Variants in LOC128462377 observed in about 807,000 individuals in gnomAD.
the LOC128462377 span, among the ~76,000 whole-genome samples, chr16:89,362,199 T>C: frequency 6.6e-6 from 1 of 152,362 alleles, no homozygotes; most frequent in East Asian, 1.9e-4. Context: ...CCAACTGCCT[T>C]CTTCTTCCCC....
the LOC128462377 span, among the ~76,000 whole-genome samples, chr16:89,375,866 C>T: frequency 2.0e-5 from 3 of 151,180 alleles, no homozygotes; most frequent in Non-Finnish European, 2.9e-5. Flanking sequence ...CAGACCCACA[C>T]AAAGTGCCAC....
chr16:89,396,691 T>C, the LOC128462377 span, among the ~76,000 whole-genome samples: 2 of 152,158 alleles, frequency 1.3e-5, no homozygotes, highest in Non-Finnish European at 2.9e-5. Flanking sequence ...TTTGTTGTTG[T>C]TGCTGTTGTT....
the LOC128462377 span, among the ~76,000 whole-genome samples, chr16:89,332,279 C>G: frequency 8.5e-5 from 13 of 152,162 alleles, no homozygotes; most frequent in African/African-American, 3.1e-4. Flanking sequence ...AAACTAAAAA[C>G]CCAACTCATG....
chr16:89,340,211 C>G, the LOC128462377 span, among the ~76,000 whole-genome samples: 52 of 152,302 alleles, frequency 3.4e-4, no homozygotes, highest in African/African-American at 1.2e-3. Flanking sequence ...AAATGTCACA[C>G]TGTATAGTCA....
At chr16:89,408,907 C>T in the LOC128462377 span, among the ~76,000 whole-genome samples, 1 of 152,180 alleles carries the variant, frequency 6.6e-6, no homozygotes, top group Non-Finnish European at 1.5e-5. Context: ...TCTCACAGAC[C>T]TTAGGAGTTA....
the LOC128462377 span, among the ~76,000 whole-genome samples, chr16:89,355,011 G>GA: frequency 6.6e-6 from 1 of 152,188 alleles, no homozygotes; most frequent in Non-Finnish European, 1.5e-5. Context: ...TTCACATGCT[G>GA]AAGACCCACC....
chr16:89,355,225 G>A, the LOC128462377 span, among the ~76,000 whole-genome samples: 6 of 151,552 alleles, frequency 4.0e-5, no homozygotes, highest in Non-Finnish European at 5.9e-5. Flanking sequence ...GAGGGCTCAC[G>A]GAGGGAGGGC....
At chr16:89,390,428 G>C in the LOC128462377 span, among the ~76,000 whole-genome samples, 4 of 152,158 alleles carry the variant, frequency 2.6e-5, no homozygotes, top group East Asian at 7.7e-4. Context: ...AGGTGCAGGA[G>C]CCTAACCAAC....
chr16:89,400,960 G>A, the LOC128462377 span, among the ~76,000 whole-genome samples: 2 of 152,290 alleles, frequency 1.3e-5, no homozygotes. Flanking sequence ...CACATCCCCC[G>A]TCTGCCCCGG....
At chr16:89,389,863 A>C in the LOC128462377 span, among the ~76,000 whole-genome samples, 2 of 136,834 alleles carry the variant, frequency 1.5e-5, no homozygotes, top group East Asian at 4.5e-4. Flanking sequence ...CGAGAGAAAG[A>C]AGATCACTGG....
At chr16:89,332,535 A>T in the LOC128462377 span, among the ~76,000 whole-genome samples, 6 of 152,230 alleles carry the variant, frequency 3.9e-5, no homozygotes, top group African/African-American at 1.4e-4. Flanking sequence ...ATTCTCACCA[A>T]CTTCCTCTAT....
the LOC128462377 span, among the ~76,000 whole-genome samples, chr16:89,335,365 GT>G: frequency 6.6e-6 from 1 of 152,188 alleles, no homozygotes; most frequent in African/African-American, 2.4e-5. Flanking sequence ...CGAGGCATCC[GT>G]GAGTCCCACA....
At chr16:89,376,144 C>T in the LOC128462377 span, among the ~76,000 whole-genome samples, 3 of 152,080 alleles carry the variant, frequency 2.0e-5, no homozygotes, top group South Asian at 2.1e-4. Context: ...CCAAACAGCA[C>T]GGATATATGA....
the LOC128462377 span, among the ~76,000 whole-genome samples, chr16:89,398,616 C>A: frequency 6.6e-6 from 1 of 152,068 alleles, no homozygotes; most frequent in Non-Finnish European, 1.5e-5. Flanking sequence ...TTGGCACCTG[C>A]CTGTGGTTTC....
chr16:89,394,222 C>T, the LOC128462377 span, among the ~76,000 whole-genome samples: 5 of 152,202 alleles, frequency 3.3e-5, no homozygotes, highest in African/African-American at 1.2e-4. Flanking sequence ...GACATGGGCA[C>T]GTTCTGGGAC....
chr16:89,387,925 G>A, the LOC128462377 span, among the ~76,000 whole-genome samples: 2 of 146,972 alleles, frequency 1.4e-5, no homozygotes, highest in Admixed American at 6.9e-5. Flanking sequence ...CAGGAGAATC[G>A]CTTCTTGAAC....
the LOC128462377 span, among the ~76,000 whole-genome samples, chr16:89,398,150 C>T: frequency 4.2e-3 from 598 of 141,932 alleles, 6 homozygotes; most frequent in African/African-American, 0.016. Flanking sequence ...CAGCTGAAGA[C>T]TACCTGTGAC....
chr16:89,320,815 G>A, the LOC128462377 span, among the ~76,000 whole-genome samples: 2 of 152,266 alleles, frequency 1.3e-5, no homozygotes, highest in South Asian at 2.1e-4. Context: ...GCTGGGAACA[G>A]CCGTCCTTGC....
At chr16:89,378,592 A>G in the LOC128462377 span, among the ~76,000 whole-genome samples, 87 of 152,300 alleles carry the variant, frequency 5.7e-4, 1 homozygote, top group African/African-American at 1.7e-3. Flanking sequence ...GAGAACACAC[A>G]ACTGGCCAGC....
Sources: allele counts gnomAD v4.1 joint callset (sites outside exome capture counted in the v4.1 genomes callset), GRCh38; gene constraint gnomAD v4.1.1; transcripts MANE v1.5.